Variants in SLC37A3 observed in about 807,000 individuals in gnomAD.
SLC37A3 encodes sugar phosphate exchanger 3.
A neutral mutation model predicts 67.1 loss-of-function variants in SLC37A3; 51 were observed. The ratio of observed to expected loss-of-function variants is 0.76; its 90% CI spans 0.61 to 0.96. SLC37A3 has a LOEUF of 0.96. Ranked by LOEUF, SLC37A3 falls within the 40% of genes least tolerant of loss-of-function variation. The pLI is 0.00. For missense variants in SLC37A3, 508 were observed against 603.0 expected, an observed-to-expected ratio of 0.84 and a Z score of 1.65; for synonymous variants, 214 against 231.4, an observed-to-expected ratio of 0.92 and a Z score of 0.68.
At chr7:140,393,775 G>A (rs1798811383) in intron 1 of SLC37A3, among the ~76,000 whole-genome samples, 1 of 151,992 alleles carries the variant, frequency 6.6e-6, no homozygotes, top group Non-Finnish European at 1.5e-5. Flanking sequence ...TTGTTTCCAT[G>A]TCTACTGTTC....
At chr7:140,348,822 C>T in intron 9 of SLC37A3, 55 bp from the exon 10 acceptor site, 1 of 1,585,674 alleles carries the variant, frequency 6.3e-7, no homozygotes, top group Non-Finnish European at 8.6e-7. Flanking sequence ...GCACGACTAC[C>T]ATTTTTAATG....
At chr7:140,345,355 A>C in intron 11 of SLC37A3, 92 bp from the exon 12 acceptor site, 2 of 931,884 alleles carry the variant, frequency 2.1e-6, no homozygotes, top group Non-Finnish European at 3.5e-6. Context: ...AATCTCCGTG[A>C]CCTCACAAAT....
intron 6 of SLC37A3, among the ~76,000 whole-genome samples, chr7:140,357,866 G>A (rs964534559): frequency 2.5e-4 from 38 of 150,694 alleles, no homozygotes; most frequent in Middle Eastern, 6.9e-3. Flanking sequence ...GCAGTGAGCC[G>A]AGATCGCGCC....
chr7:140,343,202 A>G (rs1352232400), intron 13 of SLC37A3, among the ~76,000 whole-genome samples: 1 of 152,192 alleles, frequency 6.6e-6, no homozygotes, highest in East Asian at 1.9e-4. Context: ...ATCTAGAAGT[A>G]TAAGTAGAAA....
chr7:140,361,580 G>C (rs1239441343), intron 5 of SLC37A3, among the ~76,000 whole-genome samples: 9 of 132,630 alleles, frequency 6.8e-5, no homozygotes, highest in Non-Finnish European at 1.4e-4. Flanking sequence ...CTCCTTCCAC[G>C]GTCTCCCTCT....
intron 10 of SLC37A3, among the ~76,000 whole-genome samples, chr7:140,346,336 C>T (rs1467741657): frequency 2.0e-5 from 3 of 151,930 alleles, no homozygotes; most frequent in African/African-American, 7.3e-5. Context: ...GCCGAGATTG[C>T]GCCACTGCAC....
At chr7:140,389,029 A>G (rs745610032) in intron 1 of SLC37A3, among the ~76,000 whole-genome samples, 38 of 152,208 alleles carry the variant, frequency 2.5e-4, no homozygotes, top group Non-Finnish European at 5.3e-4. Context: ...AACTGGCTCT[A>G]GCTTGCTTTT....
intron 12 of SLC37A3, 93 bp downstream of exon 12, chr7:140,345,123 G>T: frequency 9.0e-7 from 1 of 1,111,708 alleles, no homozygotes; most frequent in Non-Finnish European, 1.3e-6. Context: ...TTAAGGTTTC[G>T]GTACTACTCA....
chr7:140,387,771 T>TTA (rs1236831890), intron 1 of SLC37A3, among the ~76,000 whole-genome samples: 3 of 67,512 alleles, frequency 4.4e-5, no homozygotes, highest in African/African-American at 2.1e-4. Flanking sequence ...ATTATATATA[T>TTA]TATACATAAA....
chr7:140,369,562 C>T lies in SLC37A3; in HGVS notation c.291+28G>A, dbSNP rs373842627. 3.2e-5 allele frequency: 51 copies of T among 1,593,554 alleles called. No homozygotes were observed. In the African/African-American group the frequency reaches 5.0e-4, roughly 16 times the overall value. On this transcript the variant is annotated intron_variant, in intron 4 of 14. Coordinates refer to ENST00000326232, the MANE Select transcript of SLC37A3 (RefSeq NM_207113.3). ...CATTTATATTTACATTTTTCTTTAG[C>T]TTTAAGCCCTAGAGTTCCAAAACTT...
At chr7:140,377,224 T>G (rs1032259228) in intron 3 of SLC37A3, among the ~76,000 whole-genome samples, 4 of 151,544 alleles carry the variant, frequency 2.6e-5, no homozygotes, top group Non-Finnish European at 1.5e-5. Flanking sequence ...TTTTTTTTGT[T>G]TTGTTTTTGT....
chr7:140,346,056 A>G, intron 10 of SLC37A3, 86 bp from the exon 11 acceptor site: 1 of 935,122 alleles, frequency 1.1e-6, no homozygotes, highest in East Asian at 2.5e-5. Flanking sequence ...CTCTAGTCTC[A>G]CTAGCAGCAG....
intron 5 of SLC37A3, among the ~76,000 whole-genome samples, chr7:140,359,260 A>G (rs1436190263): frequency 3.3e-5 from 5 of 151,272 alleles, no homozygotes; most frequent in Non-Finnish European, 7.4e-5. Context: ...GGAGAATGGC[A>G]TGAACCTGGG....
intron 3 of SLC37A3, among the ~76,000 whole-genome samples, chr7:140,376,951 T>TC (rs1206632492): frequency 8.1e-5 from 12 of 148,012 alleles, no homozygotes; most frequent in Non-Finnish European, 9.0e-5. Flanking sequence ...TTTTTTTTTT[T>TC]TTTTTTTTTT....
intron 9 of SLC37A3, among the ~76,000 whole-genome samples, chr7:140,350,346 A>G (rs926877981): frequency 1.3e-5 from 2 of 152,146 alleles, no homozygotes; most frequent in African/African-American, 4.8e-5. Flanking sequence ...AAACATCAAG[A>G]CAGAAAAACT....
Position 140,337,288 on chromosome 7 carries a change from A to C in SLC37A3, c.1388T>G (p.Leu463Arg). ...TTTAAAGGGGCACACACTTACCATG[A>C]GAATGAAAAAGTAGAAAACCCACAT... Reference protein sequence around the residue: ...GWMWVFYFFILMTSCTIVFIS... With the variant: ...GWMWVFYFFIRMTSCTIVFIS... Residue 463 changes from leucine (L) to arginine (R), a missense_variant, in exon 14 of 15, where the codon CTC (leucine) becomes CGC (arginine). Coordinates refer to ENST00000326232, the MANE Select transcript of SLC37A3 (RefSeq NM_207113.3). 1 of 1,599,386 alleles carries C rather than the reference A, an allele frequency of 6.3e-7. No individual in the cohort carries two copies. The highest frequency in any genetic ancestry group is 8.5e-7 in the Non-Finnish European group (1 of 1,174,008).
chr7:140,370,126 A>G (rs1797763320), intron 3 of SLC37A3, among the ~76,000 whole-genome samples: 1 of 144,194 alleles, frequency 6.9e-6, no homozygotes, highest in African/African-American at 2.6e-5. Context: ...AACAAAAAAG[A>G]AAAGAAAAGA....
At position 140,345,223 on chromosome 7, in the gene SLC37A3, AGTC is replaced by A; in HGVS notation, c.1164_1166del (p.Met388_Thr389delinsIle). ...CAGAGCCATGTGCCGTACCTGTAAC[AGTC>A]ATCAGAAGGGCATTGATGGACTTAT... On this transcript the variant is annotated inframe_deletion, in exon 12 of 15. Coordinates refer to ENST00000326232, the MANE Select transcript of SLC37A3 (RefSeq NM_207113.3). The A allele has an allele frequency of 6.2e-7, 1 of 1,613,844 alleles. No individual in the cohort carries two copies. Among genetic ancestry groups the A allele is most frequent in the Non-Finnish European group, 8.5e-7 (1 of 1,179,718 alleles).
At chr7:140,362,278 C>T (rs1163901876) in intron 5 of SLC37A3, among the ~76,000 whole-genome samples, 102 of 136,370 alleles carry the variant, frequency 7.5e-4, no homozygotes, top group African/African-American at 2.6e-3. Context: ...TCTGCCCGGC[C>T]GCCCCGTCTG....
Sources: allele counts gnomAD v4.1 joint callset (sites outside exome capture counted in the v4.1 genomes callset), GRCh38; gene constraint gnomAD v4.1.1; transcripts MANE v1.5; gene names NCBI Gene and HGNC (gene_info 2026-07-23, HGNC 2026-07-21).